Variants in CPNE8 observed in about 807,000 individuals in gnomAD.
CPNE8 encodes the protein copine 8, also known as copine-8.
In CPNE8, 45 loss-of-function variants were observed where a neutral mutation model predicts 81.5. That is an observed-to-expected ratio of 0.55 (90% CI 0.44 to 0.71). The LOEUF is 0.71. Ranked by LOEUF, CPNE8 falls within the 30% of genes least tolerant of loss-of-function variation. The pLI is 0.00. For synonymous variants in CPNE8, 252 were observed against 226.3 expected (o/e 1.11, Z -1.02); for missense variants, 594 against 672.1 (o/e 0.88, Z 1.28).
At chr12:38,885,990 A>C (rs2137131512) in intron 1 of CPNE8, among the ~76,000 whole-genome samples, 1 of 152,306 alleles carries the variant, frequency 6.6e-6, no homozygotes, top group South Asian at 2.1e-4. Flanking sequence ...AGCATACAGA[A>C]CGGTGAGCCA....
At position 38,765,655 on chromosome 12, in the gene CPNE8, C is replaced by G. The variant is rs998961147; in HGVS notation, c.575+1980G>C. Among the ~76,000 whole-genome samples the G allele has an allele frequency of 2.0e-5, 3 of 152,238 alleles. No individual in the cohort carries two copies. The South Asian group carries it at 6.2e-4, about 32-fold the overall frequency. On this transcript the variant is annotated intron_variant, in intron 8 of 19. Coordinates refer to ENST00000331366, the MANE Select transcript of CPNE8 (RefSeq NM_153634.3). ...AAAGCATCTGTATACACTCAAAATA[C>G]AACAAAGCCTATGTGTGCGTACACA...
At chr12:38,738,490 A>G (rs1941004842) in intron 10 of CPNE8, among the ~76,000 whole-genome samples, 1 of 152,138 alleles carries the variant, frequency 6.6e-6, no homozygotes, top group South Asian at 2.1e-4. Context: ...ACAAATTTTG[A>G]TTTTATTTTG....
chr12:38,711,645 T>C (rs1295618459), intron 13 of CPNE8, among the ~76,000 whole-genome samples: 13 of 152,092 alleles, frequency 8.5e-5, no homozygotes, highest in African/African-American at 3.1e-4. Context: ...ACTGTTGTAT[T>C]TGTAGTAGAG....
At chr12:38,683,577 GTCAGACAGAAATTGTCTGTCTCAAT>G in intron 16 of CPNE8, among the ~76,000 whole-genome samples, 1 of 151,944 alleles carries the variant, frequency 6.6e-6, no homozygotes, top group East Asian at 1.9e-4. Context: ...ATAATTTTGG[GTCAGACAGAAATTGTCTGTCTCAAT>G]ACAAGCTTAA....
chr12:38,775,458 A>G (rs911813776), intron 7 of CPNE8, among the ~76,000 whole-genome samples: 1 of 152,192 alleles, frequency 6.6e-6, no homozygotes, highest in South Asian at 2.1e-4. Context: ...GCAGCAACTA[A>G]AAGTAAAGAG....
chr12:38,785,311 T>A lies in CPNE8; in HGVS notation c.408-9010A>T, dbSNP rs1942156419. 3.3e-5 allele frequency among the ~76,000 whole-genome samples: 5 copies of A among 151,886 alleles called. No individual in the cohort carries two copies. The South Asian group carries it at 1.0e-3, about 31-fold the overall frequency. On this transcript the variant is annotated intron_variant, in intron 6 of 19. Transcript: ENST00000331366. ...TTATAACACTATAACTGTGTAACTG[T>A]GGTGTGTAAAATAATCTTAAGTAGA...
chr12:38,659,040 C>T (rs747106375), intron 19 of CPNE8, among the ~76,000 whole-genome samples: 1 of 152,104 alleles, frequency 6.6e-6, no homozygotes, highest in Non-Finnish European at 1.5e-5. Flanking sequence ...ATCAAATTCA[C>T]ACATAACAAT....
At chr12:38,873,530 A>G (rs988671083) in intron 2 of CPNE8, among the ~76,000 whole-genome samples, 1 of 152,206 alleles carries the variant, frequency 6.6e-6, no homozygotes, top group African/African-American at 2.4e-5. Flanking sequence ...CCAAGAAAGG[A>G]ATTCCCAAAA....
chr12:38,731,677 C>CA (rs1940833639), intron 10 of CPNE8, among the ~76,000 whole-genome samples: 1 of 151,738 alleles, frequency 6.6e-6, no homozygotes, highest in South Asian at 2.1e-4. Flanking sequence ...ATGTTAATAG[C>CA]AAAAAGAATT....
intron 6 of CPNE8, among the ~76,000 whole-genome samples, chr12:38,820,020 AT>A (rs1328446607): frequency 1.3e-5 from 2 of 152,174 alleles, no homozygotes; most frequent in Admixed American, 6.5e-5. Context: ...GGAGCAATAA[AT>A]TTCACTGTAG....
chr12:38,718,544 C>A (rs1565582015), intron 13 of CPNE8, among the ~76,000 whole-genome samples: 1 of 152,030 alleles, frequency 6.6e-6, no homozygotes, highest in Non-Finnish European at 1.5e-5. Context: ...AAAGGAGGGG[C>A]ACTATTCAGA....
At position 38,739,714 on chromosome 12, in the gene CPNE8, A is replaced by C. The variant is rs139189945; in HGVS notation, c.723-9356T>G. ...GATATAATTAATTAGCGGATACCAA[A>C]ATTTTGTTTTGGTTTCTTTGAAGAA... On this transcript the variant is annotated intron_variant, in intron 10 of 19. Transcript: ENST00000331366. 1.3e-4 allele frequency among the ~76,000 whole-genome samples: 20 copies of C among 152,242 alleles called. No individual in the cohort carries two copies. The East Asian group carries it at 3.7e-3, about 28-fold the overall frequency.
At chr12:38,791,689 C>A (rs1192310043) in intron 6 of CPNE8, among the ~76,000 whole-genome samples, 3 of 151,410 alleles carry the variant, frequency 2.0e-5, no homozygotes, top group African/African-American at 7.3e-5. Flanking sequence ...AACAACCAGA[C>A]AAAAGGTCAA....
At chr12:38,811,857 G>A (rs1238977558) in intron 6 of CPNE8, among the ~76,000 whole-genome samples, 1 of 152,222 alleles carries the variant, frequency 6.6e-6, no homozygotes, top group Non-Finnish European at 1.5e-5. Context: ...GGGTGACAGA[G>A]CAAGATTCCA....
intron 1 of CPNE8, among the ~76,000 whole-genome samples, chr12:38,897,900 T>C (rs1335228803): frequency 6.6e-6 from 1 of 152,142 alleles, no homozygotes; most frequent in Non-Finnish European, 1.5e-5. Context: ...CTGGGGGCTA[T>C]TATTATCCCC....
chr12:38,747,619 G>A (rs1395902704), intron 10 of CPNE8, among the ~76,000 whole-genome samples: 1 of 152,018 alleles, frequency 6.6e-6, no homozygotes, highest in Non-Finnish European at 1.5e-5. Flanking sequence ...TAGATACACT[G>A]TATAAAGCTG....
At chr12:38,719,272 T>A (rs1187787767) in intron 13 of CPNE8, among the ~76,000 whole-genome samples, 1 of 152,182 alleles carries the variant, frequency 6.6e-6, no homozygotes, top group Non-Finnish European at 1.5e-5. Flanking sequence ...AAGCTAGATC[T>A]CTTTACCATA....
intron 6 of CPNE8, among the ~76,000 whole-genome samples, chr12:38,806,429 G>T (rs1266826811): frequency 1.3e-5 from 2 of 149,392 alleles, no homozygotes; most frequent in Admixed American, 6.7e-5. Context: ...TCATCCCTGG[G>T]ATGCAAGGCT....
intron 2 of CPNE8, 105 bp downstream of exon 2, chr12:38,874,366 G>A (rs557940909): frequency 2.4e-4 from 198 of 817,606 alleles, no homozygotes; most frequent in Admixed American, 7.3e-4. Flanking sequence ...CCATTCTCCT[G>A]TTGCTTTCTA....
Sources: gnomAD v4.1 joint callset for allele counts (sites outside exome capture counted in the v4.1 genomes callset) on GRCh38, gnomAD v4.1.1 for gene constraint, MANE v1.5 for transcripts, NCBI Gene and HGNC (gene_info 2026-07-23, HGNC 2026-07-21) for gene names.